Variants in PPM1K observed in about 807,000 individuals in gnomAD.
PPM1K encodes protein phosphatase Mn(2+)-dependent 1K.
PPM1K carries 19 observed loss-of-function variants against 32.6 expected under a neutral mutation model. The ratio of observed to expected loss-of-function variants is 0.58; its 90% CI spans 0.41 to 0.86. The LOEUF is 0.86. Ranked by LOEUF, PPM1K falls within the 40% of genes least tolerant of loss-of-function variation. PPM1K has a pLI of 0.00. For synonymous variants in PPM1K, 159 were observed against 165.3 expected (o/e 0.96, Z 0.29); for missense variants, 362 against 461.2 (o/e 0.78, Z 1.97).
At chr4:88,276,568 T>C (rs1731773543) in intron 3 of PPM1K, 3 of 985,426 alleles carry the variant, frequency 3.0e-6, no homozygotes, top group African/African-American at 1.7e-5. Context: ...GCTGAAAATA[T>C]CACTAGTTAC....
intron 5 of PPM1K, 52 bp from the exon 6 acceptor site, chr4:88,265,187 C>T (rs1560484516): frequency 6.2e-7 from 1 of 1,602,302 alleles, no homozygotes; most frequent in Non-Finnish European, 8.5e-7. Context: ...TGCCTTAGCA[C>T]AATCTCGCTA....
chr4:88,273,719 C>T (rs2110165404), intron 3 of PPM1K, among the ~76,000 whole-genome samples: 1 of 151,628 alleles, frequency 6.6e-6, no homozygotes, highest in South Asian at 2.1e-4. Context: ...CTACCTGGGG[C>T]CAAGCATGTT....
At chr4:88,272,241 T>C (rs1289536341) in intron 3 of PPM1K, among the ~76,000 whole-genome samples, 1 of 151,568 alleles carries the variant, frequency 6.6e-6, no homozygotes, top group East Asian at 1.9e-4. Context: ...CAATGCTCTC[T>C]TTTTTTTTCT....
At chr4:88,265,237 G>A (rs1330902154) in intron 5 of PPM1K, 102 bp from the exon 6 acceptor site, 13 of 1,309,510 alleles carry the variant, frequency 9.9e-6, no homozygotes, top group African/African-American at 1.5e-5. Context: ...GGTCATCTGT[G>A]TAACAGCTTG....
At chr4:88,284,084 G>A (rs1208740139) in intron 1 of PPM1K, 1 of 147,184 alleles carries the variant, frequency 6.8e-6, no homozygotes, top group Non-Finnish European at 1.5e-5. Flanking sequence ...GCGCCGCGCT[G>A]GCCCTCCAGC....
At chr4:88,276,524 C>T in intron 3 of PPM1K, 2 of 985,174 alleles carry the variant, frequency 2.0e-6, no homozygotes, top group East Asian at 1.1e-4. Flanking sequence ...ACATACAGTA[C>T]ACAAAATTTT....
chr4:88,282,613 A>G (rs1051174234), intron 1 of PPM1K, among the ~76,000 whole-genome samples: 1 of 152,206 alleles, frequency 6.6e-6, no homozygotes, highest in Non-Finnish European at 1.5e-5. Flanking sequence ...ATACCCTGCT[A>G]GGAGGAAGGG....
At position 88,258,487 on chromosome 4, in the gene PPM1K, G is replaced by T. The variant is rs898061274; in HGVS notation, c.*4108C>A. The T allele has an allele frequency of 3.3e-5, 5 of 152,058 alleles. No homozygotes were observed. In the East Asian group the frequency reaches 9.8e-4, roughly 30 times the overall value. 9.4% of individuals were successfully genotyped at this position (152,058 alleles called of 1,614,324 possible). On this transcript the variant is annotated 3_prime_UTR_variant, in exon 7 of 7. Transcript: ENST00000608933. ...TACTAAAAATACAAAAATTAGCCGG[G>T]CGTGGTGGCATGCACGAGTAGTCCC... is the stretch of plus-strand genomic sequence containing the variant.
At position 88,261,885 on chromosome 4, in the gene PPM1K, TTTTTTTTGG is replaced by T. The variant is rs1180729085; in HGVS notation, c.*701_*709del. On this transcript the variant is annotated 3_prime_UTR_variant, in exon 7 of 7. Transcript: ENST00000608933. ...GCCAATTTTTTTTTTTTTTTTTTTT[TTTTTTTTGG>T]ATTTTTACTAGAGACAGGGTTTCAC... 7.0e-6 allele frequency: 1 copy of T among 143,248 alleles called. No homozygotes were observed. The highest frequency in any genetic ancestry group is 1.5e-5 in the Non-Finnish European group (1 of 65,848). 8.9% of individuals were successfully genotyped at this position (143,248 alleles called of 1,614,324 possible). A position where few individuals can be genotyped will look rare whatever the true frequency, so the allele number is the denominator to read the frequency against.
rs761273156 is a variant in PPM1K at position 88,278,380 on chromosome 4, A to G, written c.204T>C (p.Asp68=). ...PATWDNFGIW[D]NRIDEPILLP... ...GCAGAATTGGCTCATCAATGCGGTTATCCCAGATCCCAAAATTGTCCCAGG... is the reference window on the plus strand; with the variant it reads ...GCAGAATTGGCTCATCAATGCGGTTGTCCCAGATCCCAAAATTGTCCCAGG... Residue 68 remains aspartate (D), a synonymous_variant, in exon 2 of 7, where the codon GAT becomes GAC. Transcript: ENST00000608933. This position sits in a 1 kb window ranked among gnomAD's most constrained non-coding sequence, Gnocchi z 4.2. The G allele has an allele frequency of 6.2e-7, 1 of 1,614,206 alleles. No homozygotes were observed.
intron 1 of PPM1K, chr4:88,279,343 A>G (rs901767861): frequency 6.6e-6 from 1 of 152,244 alleles, no homozygotes; most frequent in Admixed American, 6.5e-5. Context: ...TTACTATGGT[A>G]AATATAAATT....
chr4:88,267,078 T>C (rs1033292871), intron 5 of PPM1K, among the ~76,000 whole-genome samples: 1 of 129,536 alleles, frequency 7.7e-6, no homozygotes, highest in African/African-American at 3.0e-5. Context: ...GTGCAGGTGA[T>C]GCTGATTGGA....
intron 3 of PPM1K, chr4:88,275,435 G>A: frequency 1.0e-6 from 1 of 984,634 alleles, no homozygotes; most frequent in South Asian, 4.7e-5. Context: ...AAATTCTGTT[G>A]AGTTATACTT....
At chr4:88,267,971 C>A (rs1731402061) in intron 5 of PPM1K, among the ~76,000 whole-genome samples, 1 of 152,068 alleles carries the variant, frequency 6.6e-6, no homozygotes, top group African/African-American at 2.4e-5. Flanking sequence ...AACTAAGAAC[C>A]TAAAAAGGGG....
intron 3 of PPM1K, chr4:88,276,357 T>C (rs1166313765): frequency 1.8e-5 from 18 of 985,316 alleles, no homozygotes; most frequent in Non-Finnish European, 2.2e-5. Flanking sequence ...CAAGGTTACA[T>C]GCACACATTC....
intron 3 of PPM1K, chr4:88,275,525 T>C (rs1407509767): frequency 1.0e-6 from 1 of 985,336 alleles, no homozygotes; most frequent in African/African-American, 1.7e-5. Flanking sequence ...ATTGACTAGA[T>C]ACTTTTAAAA....
At chr4:88,277,835 C>T (rs1442129209) in intron 2 of PPM1K, 2 of 417,854 alleles carry the variant, frequency 4.8e-6, no homozygotes, top group South Asian at 5.1e-5. Flanking sequence ...CTGTCCTACA[C>T]TGATGGGAGT....
chr4:88,268,052 GTTT>G (rs1731404907), intron 5 of PPM1K, 135 bp downstream of exon 5: 2 of 886,566 alleles, frequency 2.3e-6, no homozygotes, highest in Non-Finnish European at 3.5e-6. Flanking sequence ...TACCTGAAAA[GTTT>G]TTTTATCCTT....
At chr4:88,276,779 T>TAA (rs199841604) in intron 3 of PPM1K, 17 of 888,102 alleles carry the variant, frequency 1.9e-5, no homozygotes, top group East Asian at 1.1e-4. Context: ...CAGATCCATC[T>TAA]AAAAAAAAAA....
Sources: allele counts gnomAD v4.1 joint callset (sites outside exome capture counted in the v4.1 genomes callset), GRCh38; gene constraint gnomAD v4.1.1; non-coding constraint Gnocchi (gnomAD v3.1); transcripts MANE v1.5; gene names NCBI Gene and HGNC (gene_info 2026-07-23, HGNC 2026-07-21).